The following FLRT2 variants were observed in gnomAD, a reference collection of about 807,000 sequenced individuals.
The protein encoded by FLRT2 is leucine-rich repeat transmembrane protein FLRT2.
A neutral mutation model predicts 40.0 loss-of-function variants in FLRT2; 15 were observed. The ratio of observed to expected loss-of-function variants is 0.38; its 90% confidence interval spans 0.25 to 0.58. FLRT2 has a LOEUF of 0.58. FLRT2 is among the 20% of genes least tolerant of loss of function. The pLI, the probability that FLRT2 is intolerant of heterozygous loss-of-function variation, is 0.71. For synonymous variants in FLRT2, 380 were observed against 336.8 expected, an observed-to-expected ratio of 1.13 and a Z score of -1.41; for missense variants, 726 against 840.0, an observed-to-expected ratio of 0.86 and a Z score of 1.68.
intron 1 of FLRT2, among the ~76,000 whole-genome samples, chr14:85,543,698 A>C (rs901469824): frequency 6.6e-6 from 1 of 152,096 alleles, no homozygotes; most frequent in Non-Finnish European, 1.5e-5. Flanking sequence ...CATGCCAAAC[A>C]TGGTGAGGCA....
rs1893766659 is a variant in FLRT2 at position 85,628,102 on chromosome 14, A to T, written c.*4605A>T. The T allele has an allele frequency of 6.6e-6, 1 of 152,570 alleles. No homozygotes were observed. The highest frequency in any genetic ancestry group is 6.5e-5 in the Admixed American group (1 of 15,276). 9.5% of individuals were successfully genotyped at this position (152,570 alleles called of 1,614,324 possible). A position where few individuals can be genotyped will look rare whatever the true frequency, so the allele number is the denominator to read the frequency against. ...TTGATCCTTTTTGTGTGAGGAGTTT[A>T]TATGAAATCCTCATGTTCTTTTAAA... On this transcript the variant is annotated 3_prime_UTR_variant, in exon 2 of 2. Coordinates refer to ENST00000330753, the MANE Select transcript of FLRT2 (RefSeq NM_013231.6).
At chr14:85,611,209 T>C (rs1892841491) in intron 1 of FLRT2, among the ~76,000 whole-genome samples, 1 of 152,070 alleles carries the variant, frequency 6.6e-6, no homozygotes, top group African/African-American at 2.4e-5. Context: ...CCTTCCTGAC[T>C]GTAGGGACTT....
At chr14:85,616,331 A>C (rs1024693327) in intron 1 of FLRT2, among the ~76,000 whole-genome samples, 1 of 152,098 alleles carries the variant, frequency 6.6e-6, no homozygotes. Context: ...AAAAAAAAAA[A>C]AAACCCTTTT....
intron 1 of FLRT2, among the ~76,000 whole-genome samples, chr14:85,598,138 T>C (rs969064972): frequency 1.3e-5 from 2 of 152,236 alleles, no homozygotes; most frequent in African/African-American, 4.8e-5. Context: ...TTGCCATTTA[T>C]TGAGCACTTA....
chr14:85,593,913 A>C lies in FLRT2; in HGVS notation c.-376-27226A>C, dbSNP rs563606841. ...AAAAATTAGCCAGGTGTGGTGGTACATACCTGTAATCCCAGCTACTCCAGA... is the reference window on the plus strand; with the variant it reads ...AAAAATTAGCCAGGTGTGGTGGTACCTACCTGTAATCCCAGCTACTCCAGA... On this transcript the variant is annotated intron_variant, in intron 1 of 1. Transcript: ENST00000330753. 2.0e-5 allele frequency among the ~76,000 whole-genome samples: 3 copies of C among 152,208 alleles called. No homozygotes were observed. In the South Asian group the frequency reaches 6.2e-4, roughly 32 times the overall value.
chr14:85,582,991 C>T (rs896515886), intron 1 of FLRT2, among the ~76,000 whole-genome samples: 3 of 152,094 alleles, frequency 2.0e-5, no homozygotes, highest in African/African-American at 7.2e-5. Flanking sequence ...CCTCTCCACT[C>T]TCCTGTCCCT....
At chr14:85,602,685 C>A (rs1041511220) in intron 1 of FLRT2, among the ~76,000 whole-genome samples, 4 of 152,076 alleles carry the variant, frequency 2.6e-5, no homozygotes, top group African/African-American at 9.7e-5. Context: ...GTGATTTTTG[C>A]CCTGTTAACT....
At chr14:85,542,768 G>A (rs564238554) in intron 1 of FLRT2, among the ~76,000 whole-genome samples, 17 of 152,278 alleles carry the variant, frequency 1.1e-4, no homozygotes, top group African/African-American at 3.4e-4. Flanking sequence ...AATAATCTCT[G>A]AGTCCCGAAG....
intron 1 of FLRT2, among the ~76,000 whole-genome samples, chr14:85,618,544 A>G (rs973318484): frequency 2.0e-5 from 3 of 152,098 alleles, no homozygotes; most frequent in African/African-American, 7.2e-5. Flanking sequence ...CTAGATAAAC[A>G]TTTTCTGTTA....
In FLRT2 at chr14:85,641,664, C is replaced by T. The variant is rs1365006318; in HGVS notation, c.*18167C>T. ...ATACTTATATTAAATACCTCTCCTG[C>T]TTTGAATAAATGGAATAATTTCTGT... On this transcript the variant is annotated 3_prime_UTR_variant, in exon 2 of 2. Transcript: ENST00000330753. The T allele has an allele frequency of 6.6e-6, 1 of 152,200 alleles. No homozygotes were observed. Among genetic ancestry groups the T allele is most frequent in the Non-Finnish European group, 1.5e-5 (1 of 68,040 alleles). 9.4% of individuals were successfully genotyped at this position (152,200 alleles called of 1,614,324 possible).
chr14:85,535,348 C>A (rs912565049), intron 1 of FLRT2, among the ~76,000 whole-genome samples: 1 of 68,750 alleles, frequency 1.5e-5, no homozygotes, highest in South Asian at 5.5e-4. Flanking sequence ...ATGAAAAGCC[C>A]CCCCCCAAAA....
At chr14:85,552,956 TGGTA>T (rs1889731147) in intron 1 of FLRT2, 1 of 152,134 alleles carries the variant, frequency 6.6e-6, no homozygotes, top group Non-Finnish European at 1.5e-5. Flanking sequence ...GCAGGAGTAA[TGGTA>T]TTTTTTCATG....
chr14:85,536,802 ATG>A (rs1227827755), intron 1 of FLRT2, among the ~76,000 whole-genome samples: 1 of 152,182 alleles, frequency 6.6e-6, no homozygotes, highest in Non-Finnish European at 1.5e-5. Context: ...AGTAATAAAA[ATG>A]TTATGGACTA....
intron 1 of FLRT2, among the ~76,000 whole-genome samples, chr14:85,574,564 G>T (rs1175945619): frequency 6.6e-6 from 1 of 152,070 alleles, no homozygotes; most frequent in African/African-American, 2.4e-5. Flanking sequence ...ATTTGGAGAC[G>T]CCTTTTCAAT....
chr14:85,579,234 A>G (rs895055009), intron 1 of FLRT2, among the ~76,000 whole-genome samples: 4 of 152,178 alleles, frequency 2.6e-5, no homozygotes, highest in Non-Finnish European at 5.9e-5. Flanking sequence ...GATGCAATCT[A>G]TGCTGCTTAC....
intron 1 of FLRT2, among the ~76,000 whole-genome samples, 187 bp from the exon 2 acceptor site, chr14:85,620,952 T>C (rs1893352930): frequency 6.6e-6 from 1 of 152,236 alleles, no homozygotes; most frequent in Admixed American, 6.5e-5. Context: ...TTGAAGATAC[T>C]ATATTAATTA....
rs542709354 is a variant in FLRT2 at position 85,649,405 on chromosome 14, A to G, written c.*25908A>G. 40 of 152,218 alleles carry G rather than the reference A, an allele frequency of 2.6e-4. 1 individual carries two copies. The East Asian group carries it at 7.5e-3, about 29-fold the overall frequency. The allele number at this position is 152,218 out of a possible 1,614,324, so 9.4% of individuals were successfully genotyped here. A position where few individuals can be genotyped will look rare whatever the true frequency, so the allele number is the denominator to read the frequency against. ...CTTTAATAATTTGAAAAACAAGAAG[A>G]TAATCAGGAACCAAGATGGATATGT... On this transcript the variant is annotated 3_prime_UTR_variant, in exon 2 of 2. Transcript: ENST00000330753.
Position 85,621,462 on chromosome 14 carries a change from TTTTTTC to T in FLRT2, c.-40_-35del. The stretch of plus-strand genomic sequence containing the variant: ...TCATTTTGATTTTGCTGTTTATTTT[TTTTTTC>T]TTTTTCTTTTTCCCACCACATTGTA... On this transcript the variant is annotated 5_prime_UTR_variant, in exon 2 of 2. Transcript: ENST00000330753. 2 of 1,499,890 alleles carry T rather than the reference TTTTTTC, an allele frequency of 1.3e-6. No individual in the cohort carries two copies. The highest frequency in any genetic ancestry group is 2.3e-5 in the East Asian group (1 of 44,060). 92.9% of individuals were successfully genotyped at this position (1,499,890 alleles called of 1,614,324 possible).
intron 1 of FLRT2, among the ~76,000 whole-genome samples, chr14:85,594,746 C>T (rs190132466): frequency 1.5e-4 from 23 of 152,180 alleles, no homozygotes; most frequent in Admixed American, 1.4e-3. Flanking sequence ...TTGAAAAATG[C>T]TGGAGTTAGG....
Sources: gnomAD v4.1 joint callset for allele counts (sites outside exome capture counted in the v4.1 genomes callset) on GRCh38, gnomAD v4.1.1 for gene constraint, MANE v1.5 for transcripts, NCBI Gene and HGNC (gene_info 2026-07-23, HGNC 2026-07-21) for gene names.